The following RBMS3 variants were observed in gnomAD, a reference collection of about 807,000 sequenced individuals.
RBMS3 encodes RNA-binding motif, single-stranded-interacting protein 3.
In RBMS3, 27 loss-of-function variants were observed where a neutral mutation model predicts 66.8. That is an observed-to-expected ratio of 0.40 (90% CI 0.30 to 0.56). The LOEUF is 0.56. Among genes scored for constraint, RBMS3 ranks in the 20% least tolerant of loss-of-function variants. The pLI is 0.40. For synonymous variants in RBMS3, 188 were observed against 183.0 expected (o/e 1.03, Z -0.22); for missense variants, 513 against 549.5 (o/e 0.93, Z 0.66).
intron 6 of RBMS3, among the ~76,000 whole-genome samples, chr3:29,866,716 C>T (rs193068305): frequency 6.6e-6 from 1 of 152,150 alleles, no homozygotes. Flanking sequence ...TCAGAATTTA[C>T]AGTACTTATA....
chr3:29,283,154 A>G (rs1285119162), intron 1 of RBMS3, among the ~76,000 whole-genome samples: 1 of 152,158 alleles, frequency 6.6e-6, no homozygotes, highest in Non-Finnish European at 1.5e-5. Flanking sequence ...GGGAAAATTT[A>G]CAGTCATTTC....
chr3:29,851,826 A>G (rs2058941995), intron 6 of RBMS3, among the ~76,000 whole-genome samples: 1 of 152,212 alleles, frequency 6.6e-6, no homozygotes, highest in Non-Finnish European at 1.5e-5. Flanking sequence ...ACTAGAAAAA[A>G]CTATTTTAAG....
chr3:29,380,102 T>A (rs975369371), intron 1 of RBMS3, among the ~76,000 whole-genome samples: 1 of 151,988 alleles, frequency 6.6e-6, no homozygotes, highest in Non-Finnish European at 1.5e-5. Context: ...AATTTGTGGC[T>A]TTTATGAAGC....
At chr3:29,746,957 C>CT (rs1246123542) in intron 5 of RBMS3, among the ~76,000 whole-genome samples, 3 of 152,132 alleles carry the variant, frequency 2.0e-5, no homozygotes, top group African/African-American at 4.8e-5. Context: ...ACTGGGGGAG[C>CT]TTTGTTACCT....
rs190611890 is a variant in RBMS3 at position 30,006,023 on chromosome 3, T to G, written c.*2161T>G. 1.6e-4 allele frequency: 25 copies of G among 152,000 alleles called. No individual in the cohort carries two copies. The East Asian group carries it at 3.7e-3, about 22-fold the overall frequency. 9.4% of individuals were successfully genotyped at this position (152,000 alleles called of 1,614,324 possible). A position where few individuals can be genotyped will look rare whatever the true frequency, so the allele number is the denominator to read the frequency against. ...TGATATGTGTTCAACCTTTACAGTT[T>G]TACCTGAAATTAAGGACAATGGAAT... On this transcript the variant is annotated 3_prime_UTR_variant, in exon 15 of 15. Coordinates refer to ENST00000383767, the MANE Select transcript of RBMS3 (RefSeq NM_001003793.3).
intron 6 of RBMS3, among the ~76,000 whole-genome samples, chr3:29,765,160 G>T (rs895001775): frequency 6.6e-6 from 1 of 151,902 alleles, no homozygotes; most frequent in Non-Finnish European, 1.5e-5. Flanking sequence ...ACAAGATATG[G>T]GTATTTTGCA....
At chr3:29,447,716 A>C (rs574185906) in intron 2 of RBMS3, among the ~76,000 whole-genome samples, 13 of 152,354 alleles carry the variant, frequency 8.5e-5, no homozygotes, top group African/African-American at 2.6e-4. Flanking sequence ...CAATTTGAAA[A>C]TTGTGTGTAA....
chr3:29,977,100 T>A (rs1238028797), intron 12 of RBMS3, among the ~76,000 whole-genome samples: 1 of 152,126 alleles, frequency 6.6e-6, no homozygotes, highest in Admixed American at 6.6e-5. Context: ...CTCATTGACT[T>A]TCCGGGTTTG....
chr3:29,668,489 T>G (rs1218973301), intron 4 of RBMS3, among the ~76,000 whole-genome samples: 1 of 152,162 alleles, frequency 6.6e-6, no homozygotes, highest in Non-Finnish European at 1.5e-5. Context: ...CCTACTGATG[T>G]TGAGGACAAA....
chr3:29,826,506 T>C (rs1051218830), intron 6 of RBMS3, among the ~76,000 whole-genome samples: 3 of 152,174 alleles, frequency 2.0e-5, no homozygotes, highest in Admixed American at 6.6e-5. Context: ...GGTTAGCTAC[T>C]GTATTAGTCT....
At chr3:29,525,598 A>G (rs1462513050) in intron 3 of RBMS3, among the ~76,000 whole-genome samples, 2 of 152,190 alleles carry the variant, frequency 1.3e-5, no homozygotes, top group African/African-American at 4.8e-5. Context: ...CCAAAGGTCA[A>G]TAGGAACACA....
At chr3:29,878,975 G>C (rs1450775133) in intron 7 of RBMS3, among the ~76,000 whole-genome samples, 1 of 152,080 alleles carries the variant, frequency 6.6e-6, no homozygotes, top group East Asian at 1.9e-4. Flanking sequence ...TAGAGCCCAG[G>C]AGTTTGAAGT....
At chr3:29,368,369 A>G (rs1164773487) in intron 1 of RBMS3, among the ~76,000 whole-genome samples, 1 of 152,120 alleles carries the variant, frequency 6.6e-6, no homozygotes, top group Non-Finnish European at 1.5e-5. Flanking sequence ...AAACAGGTTG[A>G]TCTATATTTA....
At chr3:29,310,352 T>C (rs2034298517) in intron 1 of RBMS3, among the ~76,000 whole-genome samples, 1 of 151,674 alleles carries the variant, frequency 6.6e-6, no homozygotes, top group African/African-American at 2.4e-5. Context: ...AAATTTGTCT[T>C]TCTAGTAAAA....
At chr3:29,499,571 G>A (rs1393083739) in intron 3 of RBMS3, among the ~76,000 whole-genome samples, 3 of 152,056 alleles carry the variant, frequency 2.0e-5, no homozygotes, top group East Asian at 3.9e-4. Context: ...CTTGAGTTGT[G>A]GAATAAGAGA....
intron 4 of RBMS3, among the ~76,000 whole-genome samples, chr3:29,622,592 T>C (rs924449072): frequency 3.3e-5 from 5 of 152,222 alleles, no homozygotes; most frequent in African/African-American, 1.2e-4. Context: ...TTGTCCTATA[T>C]AGTGGTAGCA....
At chr3:29,473,013 C>T (rs1006066000) in intron 2 of RBMS3, among the ~76,000 whole-genome samples, 2 of 151,160 alleles carry the variant, frequency 1.3e-5, no homozygotes, top group East Asian at 2.0e-4. Flanking sequence ...TCTCCACGTC[C>T]CCATCAGAGT....
Position 29,606,666 on chromosome 3 carries a change from G to T in RBMS3, c.399+19461G>T, listed in dbSNP as rs1166531647. ...TATAAAATCACAACCAGACATAAGT[G>T]GACATGGGAAAAAAAACAGCAACCA... On this transcript the variant is annotated intron_variant, in intron 4 of 14. Coordinates refer to ENST00000383767, the MANE Select transcript of RBMS3 (RefSeq NM_001003793.3). 6.6e-5 allele frequency among the ~76,000 whole-genome samples: 10 copies of T among 151,738 alleles called. 1 individual carries two copies. Among genetic ancestry groups the T allele is most frequent in the Admixed American group, 5.3e-4 (8 of 15,194 alleles).
intron 11 of RBMS3, among the ~76,000 whole-genome samples, chr3:29,939,407 T>TTTC (rs1357332582): frequency 6.6e-6 from 1 of 151,930 alleles, no homozygotes; most frequent in African/African-American, 2.4e-5. Context: ...AGGTGGTGCC[T>TTTC]TTGGCAGCCT....
Sources: allele counts gnomAD v4.1 joint callset (sites outside exome capture counted in the v4.1 genomes callset), GRCh38; gene constraint gnomAD v4.1.1; transcripts MANE v1.5; gene names NCBI Gene and HGNC (gene_info 2026-07-23, HGNC 2026-07-21).